The following ETFA variants were observed in gnomAD, a reference collection of about 807,000 sequenced individuals.
ETFA encodes electron transfer flavoprotein subunit alpha, mitochondrial.
ETFA carries 22 observed loss-of-function variants against 46.2 expected under a neutral mutation model. The ratio of observed to expected loss-of-function variants is 0.48; its 90% confidence interval spans 0.34 to 0.68. ETFA has a LOEUF of 0.68. Among genes scored for constraint, ETFA ranks in the 30% least tolerant of loss-of-function variants. The pLI is 0.01. For synonymous variants in ETFA, 131 were observed against 139.9 expected, an observed-to-expected ratio of 0.94 and a Z score of 0.45; for missense variants, 345 against 401.1, an observed-to-expected ratio of 0.86 and a Z score of 1.19.
At chr15:76,237,792 G>T (rs545538299) in intron 9 of ETFA, among the ~76,000 whole-genome samples, 54 of 152,262 alleles carry the variant, frequency 3.5e-4, no homozygotes, top group Non-Finnish European at 6.0e-4. Flanking sequence ...CTTTAAAATG[G>T]TAACTATTAC....
chr15:76,263,179 T>C (rs916423304), intron 9 of ETFA, among the ~76,000 whole-genome samples: 1 of 152,206 alleles, frequency 6.6e-6, no homozygotes, highest in Non-Finnish European at 1.5e-5. Context: ...CAATAAATAG[T>C]GTGGGCTTCC....
At chr15:76,260,016 C>A (rs1425469443) in intron 9 of ETFA, 1 of 1,479,968 alleles carries the variant, frequency 6.8e-7, no homozygotes, top group South Asian at 1.1e-5. Flanking sequence ...TCCTGAGGAA[C>A]TCTTCAATGT....
At chr15:76,308,215 A>G (rs1277382476) in intron 1 of ETFA, among the ~76,000 whole-genome samples, 1 of 152,250 alleles carries the variant, frequency 6.6e-6, no homozygotes, top group Admixed American at 6.5e-5. Flanking sequence ...ACCATTTTGC[A>G]TCATAGTAAT....
chr15:76,302,312 A>G (rs1310000235), intron 1 of ETFA, among the ~76,000 whole-genome samples: 3 of 152,176 alleles, frequency 2.0e-5, no homozygotes, highest in East Asian at 3.8e-4. Context: ...ATATTCATAC[A>G]ATGGAATCTT....
At chr15:76,262,713 AC>A (rs1404388394) in intron 9 of ETFA, among the ~76,000 whole-genome samples, 4 of 151,920 alleles carry the variant, frequency 2.6e-5, no homozygotes, top group Middle Eastern at 3.2e-3. Context: ...CGATCTCCTG[AC>A]CTGGTGATCT....
At chr15:76,261,338 C>T (rs145657168) in intron 9 of ETFA, 69 of 1,326,688 alleles carry the variant, frequency 5.2e-5, no homozygotes, top group South Asian at 7.4e-5. Flanking sequence ...ATCTGGGTTT[C>T]GCCCCCATCC....
At chr15:76,217,898 A>G (rs895186659) in intron 11 of ETFA, among the ~76,000 whole-genome samples, 1 of 152,246 alleles carries the variant, frequency 6.6e-6, no homozygotes, top group Non-Finnish European at 1.5e-5. Flanking sequence ...AATTGTCGAC[A>G]TGTTGTTTCT....
In ETFA at chr15:76,287,866, A is replaced by G. The variant is rs755055339; in HGVS notation, c.431T>C (p.Phe144Ser). 1.2e-6 allele frequency: 2 copies of G among 1,612,744 alleles called. No individual in the cohort carries two copies. Among genetic ancestry groups the G allele is most frequent in the Non-Finnish European group, 1.7e-6 (2 of 1,178,754 alleles). ...DIIAIKSPDT[F>S]VRTIYAGNAL... ...CTCACCTGCATAAATAGTTCTCACA[A>G]ATGTGTCAGGTGACTTGATTGCAAT... Residue 144 changes from phenylalanine (F) to serine (S), a missense_variant, in exon 5 of 12, where the codon TTT becomes TCT. Coordinates refer to ENST00000557943, the MANE Select transcript of ETFA (RefSeq NM_000126.4).
chr15:76,275,434 T>C (rs1329741861), intron 8 of ETFA, among the ~76,000 whole-genome samples: 1 of 152,222 alleles, frequency 6.6e-6, no homozygotes, highest in Non-Finnish European at 1.5e-5. Flanking sequence ...TTCTTTCAAT[T>C]AGCATCACCA....
intron 8 of ETFA, 60 bp from the exon 9 acceptor site, chr15:76,274,554 T>G: frequency 3.1e-6 from 4 of 1,279,314 alleles, no homozygotes; most frequent in Admixed American, 1.9e-5. Flanking sequence ...AGTTAGGATA[T>G]TCACTGATAA....
intron 9 of ETFA, among the ~76,000 whole-genome samples, chr15:76,235,290 G>A (rs928478664): frequency 1.6e-4 from 25 of 152,168 alleles, no homozygotes; most frequent in Non-Finnish European, 3.1e-4. Flanking sequence ...GGCTCCTGAG[G>A]TAGCCTCAGG....
chr15:76,259,068 T>C (rs1038226719), intron 9 of ETFA: 29 of 1,591,094 alleles, frequency 1.8e-5, no homozygotes, highest in Non-Finnish European at 2.4e-5. Context: ...TGGCTGGTGC[T>C]CTGCCTGCCC....
chr15:76,248,734 A>G (rs1054561107), intron 9 of ETFA, among the ~76,000 whole-genome samples: 11 of 152,046 alleles, frequency 7.2e-5, no homozygotes, highest in African/African-American at 2.2e-4. Context: ...AAAATTAGCC[A>G]GGTATGGTGG....
At chr15:76,269,050 A>G (rs1268730514) in intron 9 of ETFA, among the ~76,000 whole-genome samples, 2 of 152,160 alleles carry the variant, frequency 1.3e-5, no homozygotes, top group Admixed American at 1.3e-4. Flanking sequence ...TCTACATTCA[A>G]TCCTCTTAAG....
chr15:76,282,314 C>G (rs2039663699), intron 8 of ETFA, among the ~76,000 whole-genome samples: 1 of 152,088 alleles, frequency 6.6e-6, no homozygotes, highest in South Asian at 2.1e-4. Flanking sequence ...CCAGGGATAT[C>G]AGAGTAGCCA....
At chr15:76,283,054 A>G (rs184256641) in intron 8 of ETFA, among the ~76,000 whole-genome samples, 2 of 152,210 alleles carry the variant, frequency 1.3e-5, no homozygotes, top group African/African-American at 2.4e-5. Context: ...CTACAATTCT[A>G]TATTTTTAAC....
intron 4 of ETFA, among the ~76,000 whole-genome samples, chr15:76,291,742 C>G (rs2039766065): frequency 6.6e-6 from 1 of 151,864 alleles, no homozygotes; most frequent in African/African-American, 2.4e-5. Flanking sequence ...CAGTGAGACT[C>G]CATCTCAAAA....
intron 8 of ETFA, among the ~76,000 whole-genome samples, chr15:76,282,379 T>C (rs2039664585): frequency 6.6e-6 from 1 of 151,754 alleles, no homozygotes; most frequent in Non-Finnish European, 1.5e-5. Flanking sequence ...CCAGAGGGAG[T>C]ATGGCCCCTG....
chr15:76,296,058 G>T, intron 1 of ETFA, among the ~76,000 whole-genome samples: 1 of 145,808 alleles, frequency 6.9e-6, no homozygotes, highest in Admixed American at 7.1e-5. Flanking sequence ...CCATTCTCCC[G>T]CCTCCGCCTC....
Sources: gnomAD v4.1 joint callset for allele counts (sites outside exome capture counted in the v4.1 genomes callset) on GRCh38, gnomAD v4.1.1 for gene constraint, MANE v1.5 for transcripts, NCBI Gene and HGNC (gene_info 2026-07-23, HGNC 2026-07-21) for gene names.